The following SLC13A3 variants were observed in gnomAD, a reference collection of about 807,000 sequenced individuals.
SLC13A3 encodes Na(+)/dicarboxylate cotransporter 3.
Under a neutral mutation model 59.0 loss-of-function variants are expected in SLC13A3, and 40 were observed. That is an observed-to-expected ratio of 0.68 (90% CI 0.53 to 0.88). SLC13A3 has a LOEUF of 0.88. SLC13A3 is among the 40% of genes least tolerant of loss of function. SLC13A3 has a pLI of 0.00. For missense variants in SLC13A3, 699 were observed against 783.2 expected (o/e 0.89, Z 1.28); for synonymous variants, 317 against 330.3 (o/e 0.96, Z 0.44).
chr20:46,609,004 G>A, intron 3 of SLC13A3: 3 of 1,550,630 alleles, frequency 1.9e-6, no homozygotes, highest in Non-Finnish European at 2.6e-6. Flanking sequence ...CTTATCACAA[G>A]GGGAGCTTGA....
chr20:46,573,826 C>A (rs55963646), intron 10 of SLC13A3, among the ~76,000 whole-genome samples: 1,669 of 152,322 alleles, frequency 0.011, 12 homozygotes, highest in Non-Finnish European at 0.017. Context: ...GCCCAGTGTA[C>A]ACAGTTAACA....
At chr20:46,657,739 C>T (rs2059953438) in intron 1 of SLC13A3, among the ~76,000 whole-genome samples, 1 of 152,180 alleles carries the variant, frequency 6.6e-6, no homozygotes, top group South Asian at 2.1e-4. Context: ...GTCATCTGCT[C>T]AGCTTCTGGG....
intron 5 of SLC13A3, among the ~76,000 whole-genome samples, chr20:46,592,894 G>C (rs1251226521): frequency 6.6e-6 from 1 of 152,226 alleles, no homozygotes; most frequent in African/African-American, 2.4e-5. Flanking sequence ...CCATGCAAGA[G>C]TGCAGGGCCA....
chr20:46,674,604 C>CGCGCGCGT (rs370861850), upstream of SLC13A3, among the ~76,000 whole-genome samples: 731 of 127,878 alleles, frequency 5.7e-3, 15 homozygotes, highest in African/African-American at 0.022. Flanking sequence ...CGCGCGCGCG[C>CGCGCGCGT]GTGTGTGTGT....
chr20:46,677,150 G>A (rs1160644239), intron 1 of SLC13A3, among the ~76,000 whole-genome samples: 6 of 152,186 alleles, frequency 3.9e-5, no homozygotes, highest in East Asian at 1.9e-4. Flanking sequence ...CTGACCTCAG[G>A]TGATCCGCCC....
intron 1 of SLC13A3, among the ~76,000 whole-genome samples, chr20:46,618,739 C>T (rs907117640): frequency 6.6e-6 from 1 of 152,184 alleles, no homozygotes; most frequent in African/African-American, 2.4e-5. Flanking sequence ...GTTTAAATAT[C>T]ACCCAGTCTA....
chr20:46,653,565 G>A (rs141070928), upstream of SLC13A3, among the ~76,000 whole-genome samples: 22 of 152,288 alleles, frequency 1.4e-4, no homozygotes, highest in African/African-American at 5.1e-4. Flanking sequence ...GGACAAGCTT[G>A]TCAGAAGTTT....
chr20:46,569,924 G>A (rs1474802653), intron 10 of SLC13A3, among the ~76,000 whole-genome samples: 2 of 152,168 alleles, frequency 1.3e-5, no homozygotes, highest in East Asian at 3.8e-4. Context: ...AATATTTGAA[G>A]TCAAAAACTC....
intron 1 of SLC13A3, among the ~76,000 whole-genome samples, chr20:46,622,225 G>A (rs2062622883): frequency 6.6e-6 from 1 of 152,198 alleles, no homozygotes; most frequent in Non-Finnish European, 1.5e-5. Context: ...CACCATGCTG[G>A]AAGTTCAGGA....
At chr20:46,610,060 G>A (rs895561573) in intron 3 of SLC13A3, among the ~76,000 whole-genome samples, 3 of 152,170 alleles carry the variant, frequency 2.0e-5, no homozygotes, top group African/African-American at 7.2e-5. Flanking sequence ...ATTTCTGCCT[G>A]TCTCATTGAT....
intron 9 of SLC13A3, 112 bp downstream of exon 9, chr20:46,583,460 A>G (rs2062158920): frequency 1.3e-6 from 2 of 1,502,588 alleles, no homozygotes; most frequent in Admixed American, 4.6e-5. Flanking sequence ...TGAAAGGAGA[A>G]GCAGGAAGGA....
intron 1 of SLC13A3, among the ~76,000 whole-genome samples, chr20:46,675,793 T>C (rs1035050801): frequency 1.3e-5 from 2 of 151,996 alleles, no homozygotes; most frequent in African/African-American, 2.4e-5. Context: ...GTGGAAACAG[T>C]GGGGACGACG....
In SLC13A3 at chr20:46,622,635, T is replaced by C. The variant is rs916646606; in HGVS notation, c.112-8910A>G. Among the ~76,000 whole-genome samples the C allele has an allele frequency of 6.9e-3, 980 of 143,050 alleles. 6 individuals carry two copies. Among genetic ancestry groups the C allele is most frequent in the Non-Finnish European group, 0.011 (740 of 65,796 alleles). 93.8% of individuals were successfully genotyped at this position (143,050 alleles called of 152,430 possible). A position where few individuals can be genotyped will look rare whatever the true frequency, so the allele number is the denominator to read the frequency against. ...TGTGGTGTGTGCGTGTGTGTGTGTG[T>C]GTGTGTGTGTGTGTGTGTGTGTGTG... On this transcript the variant is annotated intron_variant, in intron 1 of 12. Transcript: ENST00000279027.
At chr20:46,623,103 T>C (rs1354606729) in intron 1 of SLC13A3, among the ~76,000 whole-genome samples, 1 of 152,136 alleles carries the variant, frequency 6.6e-6, no homozygotes, top group African/African-American at 2.4e-5. Context: ...TCCCAATTCA[T>C]TTTATGAGGA....
intron 1 of SLC13A3, among the ~76,000 whole-genome samples, chr20:46,667,666 C>G (rs983895776): frequency 2.0e-5 from 3 of 152,228 alleles, no homozygotes; most frequent in African/African-American, 7.2e-5. Flanking sequence ...GGCTGGGCCA[C>G]TTGCTCGTTG....
chr20:46,611,671 T>C (rs979973512), intron 2 of SLC13A3, among the ~76,000 whole-genome samples: 1 of 152,160 alleles, frequency 6.6e-6, no homozygotes, highest in Non-Finnish European at 1.5e-5. Context: ...CACTGCCACC[T>C]CCTAGTCCAA....
Position 46,613,591 on chromosome 20 carries a change from G to A in SLC13A3, c.246C>T (p.Cys82=). 1.2e-6 allele frequency: 2 copies of A among 1,613,708 alleles called. No individual in the cohort carries two copies. The highest frequency in any genetic ancestry group is 1.7e-4 in the Middle Eastern group (1 of 6,060). ...AGTTGGTGTCGAGGAAGTACTGGGG[G>A]CAGACCTTGTTGGAGGGCAAGATGC... The part of the protein sequence containing the change: ...FMGILPSNKV[C]PQYFLDTNFL... Residue 82 remains cysteine, a synonymous_variant, in exon 2 of 13, where the codon TGC becomes TGT. Coordinates refer to ENST00000279027, the MANE Select transcript of SLC13A3 (RefSeq NM_022829.6).
At chr20:46,564,678 T>C (rs1261757527) in intron 11 of SLC13A3, among the ~76,000 whole-genome samples, 4 of 152,130 alleles carry the variant, frequency 2.6e-5, no homozygotes, top group Non-Finnish European at 5.9e-5. Flanking sequence ...AATTTCCTCA[T>C]CTCTAACGAC....
upstream of SLC13A3, among the ~76,000 whole-genome samples, chr20:46,672,222 T>C (rs570041916): frequency 5.3e-5 from 8 of 152,284 alleles, no homozygotes; most frequent in African/African-American, 1.7e-4. Context: ...AAATATGAGA[T>C]GGGTTGAATT....
Sources: allele counts gnomAD v4.1 joint callset (sites outside exome capture counted in the v4.1 genomes callset), GRCh38; gene constraint gnomAD v4.1.1; transcripts MANE v1.5; gene names NCBI Gene and HGNC (gene_info 2026-07-23, HGNC 2026-07-21).